The following NRXN1 variants were observed in gnomAD, a reference collection of about 807,000 sequenced individuals.
NRXN1 encodes the protein neurexin-1.
A neutral mutation model predicts 150.9 loss-of-function variants in NRXN1; 39 were observed. The observed-to-expected ratio is 0.26, with a 90% confidence interval of 0.20 to 0.34. NRXN1 has a LOEUF of 0.34. Ranked by LOEUF, NRXN1 falls within the 10% of genes least tolerant of loss-of-function variation. The probability of loss-of-function intolerance (pLI) is 1.00; values close to 1 mark genes in which losing one functional copy is unlikely to be tolerated. For synonymous variants in NRXN1, 924 were observed against 757.0 expected (o/e 1.22, Z -3.62); for missense variants, 1,815 against 1,949.9 (o/e 0.93, Z 1.30).
At chr2:49,978,713 A>G (rs1895128) in intron 21 of NRXN1, among the ~76,000 whole-genome samples, 1 of 71,256 alleles carries the variant, frequency 1.4e-5, no homozygotes, top group African/African-American at 4.4e-5. Flanking sequence ...AAGAGAGGCC[A>G]CAAAAAAAAA....
chr2:50,699,394 C>A (rs1693408002), intron 5 of NRXN1, among the ~76,000 whole-genome samples: 1 of 152,006 alleles, frequency 6.6e-6, no homozygotes, highest in Non-Finnish European at 1.5e-5. Context: ...AGGAATGATC[C>A]AGGATTATCT....
intron 17 of NRXN1, among the ~76,000 whole-genome samples, chr2:50,308,987 C>T (rs975923075): frequency 6.6e-6 from 1 of 152,162 alleles, no homozygotes. Flanking sequence ...TGAGGTCAGA[C>T]ACGCAGGAGC....
At chr2:50,858,433 A>T (rs1161801265) in intron 5 of NRXN1, among the ~76,000 whole-genome samples, 1 of 151,988 alleles carries the variant, frequency 6.6e-6, no homozygotes, top group Non-Finnish European at 1.5e-5. Context: ...AAAAAATCTG[A>T]ATTTTGGGGT....
intron 5 of NRXN1, among the ~76,000 whole-genome samples, chr2:50,743,393 A>AT (rs199504328): frequency 3.3e-3 from 500 of 152,240 alleles, no homozygotes; most frequent in Non-Finnish European, 5.6e-3. Context: ...ACTGCTCAGC[A>AT]TTTTTTTGTC....
intron 5 of NRXN1, among the ~76,000 whole-genome samples, chr2:50,721,730 ATTATT>A (rs1236472699): frequency 6.6e-6 from 1 of 152,172 alleles, no homozygotes; most frequent in African/African-American, 2.4e-5. Context: ...TTTTTCATAC[ATTATT>A]TTATTTTACT....
chr2:50,597,952 A>G (rs1326978616), intron 8 of NRXN1, among the ~76,000 whole-genome samples: 1 of 152,126 alleles, frequency 6.6e-6, no homozygotes, highest in East Asian at 1.9e-4. Flanking sequence ...TGGCCTGGCC[A>G]ATATGGTGAA....
At chr2:50,074,887 C>T (rs1305723460) in intron 19 of NRXN1, among the ~76,000 whole-genome samples, 2 of 152,090 alleles carry the variant, frequency 1.3e-5, no homozygotes, top group East Asian at 3.8e-4. Context: ...ACATGAAATA[C>T]CTTAATTCCA....
intron 17 of NRXN1, among the ~76,000 whole-genome samples, chr2:50,310,198 ATT>A (rs2075059418): frequency 6.6e-6 from 1 of 152,204 alleles, no homozygotes; most frequent in African/African-American, 2.4e-5. Flanking sequence ...CTCATAGATT[ATT>A]TTGATCAAAA....
At chr2:50,230,246 A>T (rs111249276) in intron 18 of NRXN1, among the ~76,000 whole-genome samples, 2,783 of 152,180 alleles carry the variant, frequency 0.018, 39 homozygotes, top group Non-Finnish European at 0.028. Context: ...AATGGGAAGA[A>T]ATCTTTTGAA....
At position 50,321,567 on chromosome 2, in the gene NRXN1, A is replaced by T. The variant is rs973593174; in HGVS notation, c.3365-84597T>A. 2.6e-5 allele frequency among the ~76,000 whole-genome samples: 4 copies of T among 151,720 alleles called. No homozygotes were observed. The East Asian group carries it at 5.8e-4, about 22-fold the overall frequency. On this transcript the variant is annotated intron_variant, in intron 17 of 22. Transcript: ENST00000401669. Reference sequence around the variant, plus strand: ...GGAGACATAAAGTTACAAAATGAACATTTTTTTTTCCTAAGTAGCAGTACT... The same window carrying T: ...GGAGACATAAAGTTACAAAATGAACTTTTTTTTTTCCTAAGTAGCAGTACT...
chr2:50,814,781 AATT>A (rs879539865), intron 5 of NRXN1, among the ~76,000 whole-genome samples: 7 of 152,144 alleles, frequency 4.6e-5, no homozygotes, highest in African/African-American at 9.7e-5. Flanking sequence ...ATTCTCTCAA[AATT>A]ATTATATTTT....
At chr2:50,017,375 A>G (rs747927371) in intron 21 of NRXN1, among the ~76,000 whole-genome samples, 1 of 152,228 alleles carries the variant, frequency 6.6e-6, no homozygotes, top group Admixed American at 6.5e-5. Flanking sequence ...CCTTGTCTCC[A>G]TGAAAATGGC....
At chr2:50,062,648 A>C (rs1181326782) in intron 19 of NRXN1, among the ~76,000 whole-genome samples, 2 of 152,118 alleles carry the variant, frequency 1.3e-5, no homozygotes, top group East Asian at 3.9e-4. Flanking sequence ...CTTGGAGTTA[A>C]ATTTCATGGT....
intron 17 of NRXN1, among the ~76,000 whole-genome samples, chr2:50,349,550 C>T (rs923980453): frequency 4.6e-5 from 7 of 152,142 alleles, no homozygotes; most frequent in African/African-American, 9.7e-5. Flanking sequence ...TTAGGAAATC[C>T]GTACTGCATT....
At chr2:50,552,282 A>G (rs1175628433) in intron 9 of NRXN1, among the ~76,000 whole-genome samples, 4 of 152,108 alleles carry the variant, frequency 2.6e-5, no homozygotes, top group Non-Finnish European at 5.9e-5. Context: ...AAAACTTTGA[A>G]TTTTTTCACT....
intron 21 of NRXN1, among the ~76,000 whole-genome samples, chr2:50,014,717 TAAAC>T (rs1430930238): frequency 2.0e-5 from 3 of 152,146 alleles, no homozygotes; most frequent in South Asian, 2.1e-4. Flanking sequence ...ACATGGTTAA[TAAAC>T]AAATTTTAAA....
chr2:50,761,063 A>G (rs922977280), intron 5 of NRXN1, among the ~76,000 whole-genome samples: 1 of 152,116 alleles, frequency 6.6e-6, no homozygotes, highest in African/African-American at 2.4e-5. Flanking sequence ...AGCCCTTCTT[A>G]AATCCTTCAG....
At chr2:50,088,442 T>C (rs1699095642) in intron 19 of NRXN1, among the ~76,000 whole-genome samples, 2 of 152,202 alleles carry the variant, frequency 1.3e-5, no homozygotes, top group South Asian at 4.1e-4. Flanking sequence ...TCATATGTGC[T>C]TTATTTTCTT....
intron 18 of NRXN1, among the ~76,000 whole-genome samples, chr2:50,214,696 T>A (rs1346051968): frequency 6.6e-6 from 1 of 152,062 alleles, no homozygotes; most frequent in Non-Finnish European, 1.5e-5. Context: ...TCTCTAGATT[T>A]CATGCAGAAG....
Sources: gnomAD v4.1 joint callset for allele counts (sites outside exome capture counted in the v4.1 genomes callset) on GRCh38, gnomAD v4.1.1 for gene constraint, MANE v1.5 for transcripts, NCBI Gene and HGNC (gene_info 2026-07-23, HGNC 2026-07-21) for gene names.